Variants in LETMD1 observed in about 807,000 individuals in gnomAD.
The protein encoded by LETMD1 is LETM1 domain-containing protein 1.
In LETMD1, 30 loss-of-function variants were observed where a neutral mutation model predicts 43.9. The observed-to-expected ratio is 0.68, with a 90% CI of 0.51 to 0.93. The LOEUF (loss-of-function observed/expected upper bound fraction) is 0.93, where lower values mean the gene tolerates loss of function less well. Ranked by LOEUF, LETMD1 falls within the 40% of genes least tolerant of loss-of-function variation. The probability of loss-of-function intolerance (pLI) is 0.00; values close to 1 mark genes in which losing one functional copy is unlikely to be tolerated. For missense variants in LETMD1, 413 were observed against 447.7 expected (o/e 0.92, Z 0.70); for synonymous variants, 176 against 163.1 (o/e 1.08, Z -0.60).
At chr12:51,067,805 G>A in the LETMD1 span, 1 of 1,614,218 alleles carries the variant, frequency 6.2e-7, no homozygotes, top group Middle Eastern at 1.6e-4. This position sits in a 1 kb window ranked among gnomAD's most constrained non-coding sequence, Gnocchi z 4.1. Flanking sequence ...CAATACGGTG[G>A]ACCCCAGAAG....
downstream of LETMD1, chr12:51,064,115 T>C (rs1297627585): frequency 6.2e-7 from 1 of 1,614,188 alleles, no homozygotes; most frequent in Admixed American, 1.7e-5. Flanking sequence ...TCTGCTCCAC[T>C]TGATAATAGA....
chr12:51,064,705 C>G, downstream of LETMD1: 1 of 1,477,892 alleles, frequency 6.8e-7, no homozygotes, highest in Non-Finnish European at 9.0e-7. Flanking sequence ...CAAGATGAGA[C>G]CTACAATCCT....
At chr12:51,052,376 G>A in intron 3 of LETMD1, 169 bp downstream of exon 3, 1 of 725,890 alleles carries the variant, frequency 1.4e-6, no homozygotes, top group African/African-American at 1.8e-5. Context: ...TGTAAGAATT[G>A]GGTTCATCCA....
the LETMD1 span, among the ~76,000 whole-genome samples, chr12:51,066,578 T>C: frequency 6.8e-6 from 1 of 147,426 alleles, no homozygotes; most frequent in African/African-American, 2.5e-5. Flanking sequence ...GAGGTGGAGG[T>C]AGCAGTGAGC....
chr12:51,056,082 A>T (rs1256209156), intron 5 of LETMD1, 61 bp downstream of exon 5: 2 of 1,608,384 alleles, frequency 1.2e-6, no homozygotes, highest in Non-Finnish European at 1.7e-6. Flanking sequence ...GTGTGCACTA[A>T]ACTAGGTAAG....
In LETMD1 at chr12:51,058,088, T is replaced by A; in HGVS notation, c.972T>A (p.Thr324=). ...ATATTGGTGAAGATAGGTGTCGAAC[T>A]TGGCTGGGAGAATGGCTGCAGATTT... The part of the protein sequence containing the change: ...STHIGEDRCR[T]WLGEWLQISC... Residue 324 remains threonine, a synonymous_variant, in exon 8 of 9, where the codon ACT becomes ACA. Transcript: ENST00000262055. The A allele has an allele frequency of 6.2e-7, 1 of 1,613,888 alleles. No individual in the cohort carries two copies. Among genetic ancestry groups the A allele is most frequent in the South Asian group, 1.1e-5 (1 of 91,088 alleles).
At chr12:51,052,494 G>A (rs1250929905) in intron 3 of LETMD1, 2 of 326,926 alleles carry the variant, frequency 6.1e-6, no homozygotes, top group East Asian at 5.9e-5. Flanking sequence ...ACAAAAGTCT[G>A]CAAGGGGGCT....
intron 7 of LETMD1, chr12:51,057,549 CTT>C (rs1454723235): frequency 1.7e-5 from 3 of 179,762 alleles, no homozygotes; most frequent in African/African-American, 2.4e-5. Flanking sequence ...ATATAGGACT[CTT>C]TGCTTTTGTC....
At chr12:51,064,328 G>C (rs1937884301), downstream of LETMD1, 2 of 1,614,078 alleles carry the variant, frequency 1.2e-6, no homozygotes, top group Non-Finnish European at 1.7e-6. Context: ...CGATGCTCGA[G>C]TCCAGGCTGG....
intron 1 of LETMD1, chr12:51,048,738 A>G: frequency 1.7e-6 from 1 of 596,580 alleles, no homozygotes; most frequent in East Asian, 2.8e-5. Context: ...CTCAGGTTTT[A>G]CCGCTGCTAT....
In LETMD1 at chr12:51,048,371, GGTGTGCTGGGCTCGGTCGGCT is replaced by G. The variant is rs1245681583; in HGVS notation, c.21_41del (p.Cys7_Val13del). On this transcript the variant is annotated inframe_deletion, in exon 1 of 9. Coordinates refer to ENST00000262055, the MANE Select transcript of LETMD1 (RefSeq NM_015416.5). ...TCGCTGTGAAGATGGCGCTCTCCAG[GGTGTGCTGGGCTCGGTCGGCT>G]GTGTGGGGCTCGGCAGTCACCCCTG... 6.2e-7 allele frequency: 1 copy of G among 1,614,086 alleles called. No homozygotes were observed. Among genetic ancestry groups the G allele is most frequent in the African/African-American group, 1.3e-5 (1 of 75,024 alleles).
Position 51,059,682 on chromosome 12 carries a change from A to C in LETMD1, c.*251A>C, listed in dbSNP as rs968544893. The C allele has an allele frequency of 4.8e-5, 24 of 496,884 alleles. No homozygotes were observed. The highest frequency in any genetic ancestry group is 4.3e-4 in the African/African-American group (22 of 51,450). The allele number at this position is 496,884 out of a possible 1,614,324, so 30.8% of individuals were successfully genotyped here. ...GTGTCATCCTGTCCCCCTCATAATT[A>C]CTAATAGCTGGAACTGGCAGCAGCC... is the stretch of plus-strand genomic sequence containing the variant. On this transcript the variant is annotated 3_prime_UTR_variant, in exon 9 of 9. Transcript: ENST00000262055.
chr12:51,068,126 A>G, the LETMD1 span, among the ~76,000 whole-genome samples: 1 of 152,290 alleles, frequency 6.6e-6, no homozygotes, highest in African/African-American at 2.4e-5. Flanking sequence ...GTGGCTACTG[A>G]GCACTAGAAA....
rs749687904 is a variant in LETMD1, at chr12:51,056,495, T to G, written c.908T>G (p.Val303Gly). 1 of 1,614,180 alleles carries G rather than the reference T, an allele frequency of 6.2e-7. No homozygotes were observed. The highest frequency in any genetic ancestry group is 8.5e-7 in the Non-Finnish European group (1 of 1,180,036). Reference protein sequence around the residue: ...LGIGQLTAQEVKSACYLRGLN... With the variant: ...LGIGQLTAQEGKSACYLRGLN... Reference sequence around the variant, plus strand: ...ATTGGCCAGCTGACTGCTCAGGAAGTAAAATCGGTAAGAGCTTGATTGCAA... The same window carrying G: ...ATTGGCCAGCTGACTGCTCAGGAAGGAAAATCGGTAAGAGCTTGATTGCAA... The change falls in exon 7 of 9, where the codon GTA becomes GGA. Residue 303 changes from valine to glycine, a missense_variant. Physicochemically the swap from Val to Gly is moderately radical, Grantham distance 109. Coordinates refer to ENST00000262055, the MANE Select transcript of LETMD1 (RefSeq NM_015416.5).
At chr12:51,058,225 C>T in intron 8 of LETMD1, 97 bp downstream of exon 8, 1 of 749,934 alleles carries the variant, frequency 1.3e-6, no homozygotes, top group Non-Finnish European at 2.4e-6. Context: ...TACTGTGAGA[C>T]ATATATATAC....
chr12:51,048,336 C>A lies in LETMD1; in HGVS notation c.-21C>A, dbSNP rs767911357. 1.2e-5 allele frequency: 19 copies of A among 1,613,932 alleles called. No homozygotes were observed. The highest frequency in any genetic ancestry group is 1.4e-5 in the Non-Finnish European group (17 of 1,179,966). ...TTGACCCAAAGACAACCTCTTCTCT[C>A]CCGCTTCTCTCGCTGTGAAGATGGC... On this transcript the variant is annotated 5_prime_UTR_variant, in exon 1 of 9. Coordinates refer to ENST00000262055, the MANE Select transcript of LETMD1 (RefSeq NM_015416.5).
the LETMD1 span, chr12:51,067,944 G>A: frequency 7.4e-6 from 12 of 1,613,958 alleles, no homozygotes; most frequent in South Asian, 2.2e-5. This position sits in a 1 kb window ranked among gnomAD's most constrained non-coding sequence, Gnocchi z 4.1. Flanking sequence ...AGCCTCCACC[G>A]ACTCCACTGT....
At position 51,056,479 on chromosome 12, in the gene LETMD1, C is replaced by T; in HGVS notation, c.892C>T (p.Leu298=). Residue 298 remains leucine, a synonymous_variant, in exon 7 of 9, where the codon CTG becomes TTG. Transcript: ENST00000262055. ...TTTGGCAAAGCTGGGGATTGGCCAG[C>T]TGACTGCTCAGGAAGTAAAATCGGT... ...KALAKLGIGQ[L]TAQEVKSACY... is the part of the protein sequence containing the mutation. The T allele has an allele frequency of 6.2e-7, 1 of 1,614,182 alleles. No homozygotes were observed. The highest frequency in any genetic ancestry group is 1.3e-5 in the African/African-American group (1 of 75,050).
chr12:51,053,772 G>A lies in LETMD1; in HGVS notation c.391-6G>A. On this transcript the variant is annotated splice_polypyrimidine_tract_variant and splice_region_variant and intron_variant, in intron 3 of 8. Coordinates refer to ENST00000262055, the MANE Select transcript of LETMD1 (RefSeq NM_015416.5). ...TAAAACTGCATCTGTGTTTATTTCT[G>A]CTTAGTTCCGCCAAGACGTCACCAA... The A allele has an allele frequency of 6.2e-7, 1 of 1,605,020 alleles. No individual in the cohort carries two copies. The highest frequency in any genetic ancestry group is 1.1e-5 in the South Asian group (1 of 89,788).
Sources: allele counts gnomAD v4.1 joint callset (sites outside exome capture counted in the v4.1 genomes callset), GRCh38; gene constraint gnomAD v4.1.1; non-coding constraint Gnocchi (gnomAD v3.1); transcripts MANE v1.5; gene names NCBI Gene and HGNC (gene_info 2026-07-23, HGNC 2026-07-21).